Variants in ITGB3 observed in about 807,000 individuals in gnomAD.
ITGB3 encodes the protein integrin subunit beta 3, also known as integrin beta-3.
A neutral mutation model predicts 85.8 loss-of-function variants in ITGB3; 48 were observed. That is an observed-to-expected ratio of 0.56 (90% CI 0.44 to 0.71). The LOEUF (loss-of-function observed/expected upper bound fraction) is 0.71, where lower values mean the gene tolerates loss of function less well. ITGB3 is among the 30% of genes least tolerant of loss of function. The pLI, the probability that ITGB3 is intolerant of heterozygous loss-of-function variation, is 0.00. For missense variants in ITGB3, 861 were observed against 1,019.1 expected, an observed-to-expected ratio of 0.84 and a Z score of 2.11; for synonymous variants, 363 against 395.6, an observed-to-expected ratio of 0.92 and a Z score of 0.98.
At position 47,290,302 on chromosome 17, in the gene ITGB3, C is replaced by T. The variant is rs199897134; in HGVS notation, c.1125+28C>T. 1,022 of 1,575,994 alleles carry T rather than the reference C, an allele frequency of 6.5e-4. 2 individuals carry two copies. The highest frequency in any genetic ancestry group is 6.3e-4 in the Non-Finnish European group (724 of 1,146,066). ...AAGTGTCTTGTGCTGGGAATAGTCC[C>T]GCGGAGAGTCCACCTCATTTGGCTT... On this transcript the variant is annotated intron_variant, in intron 8 of 14. Coordinates refer to ENST00000559488, the MANE Select transcript of ITGB3 (RefSeq NM_000212.3).
intron 2 of ITGB3, among the ~76,000 whole-genome samples, chr17:47,277,786 GGAA>G (rs1474052416): frequency 6.6e-6 from 1 of 152,222 alleles, no homozygotes; most frequent in African/African-American, 2.4e-5. Context: ...GGGTGACAGA[GGAA>G]GAAGGAGTTT....
chr17:47,300,410 G>C, intron 11 of ITGB3, 68 bp from the exon 12 acceptor site: 1 of 1,100,832 alleles, frequency 9.1e-7, no homozygotes, highest in East Asian at 2.4e-5. Flanking sequence ...ATGGAGATCA[G>C]AGCTGGACTG....
At chr17:47,309,354 T>A (rs893805642) in intron 14 of ITGB3, among the ~76,000 whole-genome samples, 2 of 152,002 alleles carry the variant, frequency 1.3e-5, no homozygotes, top group African/African-American at 4.8e-5. Flanking sequence ...TGCCTGGCCA[T>A]GGTTAGTGCT....
chr17:47,302,478 C>T (rs1684056778), intron 12 of ITGB3, among the ~76,000 whole-genome samples: 1 of 152,166 alleles, frequency 6.6e-6, no homozygotes, highest in Non-Finnish European at 1.5e-5. Flanking sequence ...ACTGTTATAT[C>T]ATGTCCCTTT....
chr17:47,272,437 C>G (rs1256917233), intron 1 of ITGB3, among the ~76,000 whole-genome samples: 1 of 151,872 alleles, frequency 6.6e-6, no homozygotes, highest in Non-Finnish European at 1.5e-5. Context: ...GCACTATTGC[C>G]CAGGGTTGGA....
chr17:47,312,352 C>G lies in ITGB3; in HGVS notation c.*2148C>G, dbSNP rs1035639440. On this transcript the variant is annotated 3_prime_UTR_variant, in exon 15 of 15. Transcript: ENST00000559488. ...GGGCAATGACTGAGCCCTGTCTCAC[C>G]CATGGATTACTCCTTACTGTAGGGA... Among the ~76,000 whole-genome samples the G allele has an allele frequency of 6.6e-6, 1 of 152,100 alleles. No homozygotes were observed. Among genetic ancestry groups the G allele is most frequent in the Non-Finnish European group, 1.5e-5 (1 of 68,034 alleles).
intron 1 of ITGB3, among the ~76,000 whole-genome samples, chr17:47,263,676 G>A (rs2065016331): frequency 6.6e-6 from 1 of 152,156 alleles, no homozygotes; most frequent in South Asian, 2.1e-4. Flanking sequence ...TTTTAGTAAA[G>A]ACTGGATTTC....
At chr17:47,307,784 A>G (rs1053662872) in intron 14 of ITGB3, 147 bp downstream of exon 14, 3 of 791,140 alleles carry the variant, frequency 3.8e-6, no homozygotes, top group Non-Finnish European at 6.5e-6. Flanking sequence ...TGGTCTCACT[A>G]TCCCCTTGTC....
At chr17:47,281,974 A>G (rs2065085210) in intron 2 of ITGB3, among the ~76,000 whole-genome samples, 1 of 152,132 alleles carries the variant, frequency 6.6e-6, no homozygotes, top group Non-Finnish European at 1.5e-5. Context: ...TGTGAGATCA[A>G]GTCTTGCTCT....
chr17:47,277,503 G>C (rs1567762664), intron 2 of ITGB3, among the ~76,000 whole-genome samples: 1 of 152,192 alleles, frequency 6.6e-6, no homozygotes, highest in Non-Finnish European at 1.5e-5. Flanking sequence ...TCTGAGCCCA[G>C]GAGTTTGAGG....
chr17:47,268,056 G>A (rs1277813805), intron 1 of ITGB3, among the ~76,000 whole-genome samples: 1 of 152,112 alleles, frequency 6.6e-6, no homozygotes, highest in Non-Finnish European at 1.5e-5. Context: ...AAGCAAAAGG[G>A]AGAAAAGCCC....
Position 47,281,564 on chromosome 17 carries a change from G to T in ITGB3, c.166-1790G>T, listed in dbSNP as rs142161457. On this transcript the variant is annotated intron_variant, in intron 2 of 14. Coordinates refer to ENST00000559488, the MANE Select transcript of ITGB3 (RefSeq NM_000212.3). ...TCAGTGTTCTTTCCAGGGTGGCGTGGTCCCCTTCAATACTCAGGTTTAAGC... is the reference window on the plus strand; with the variant it reads ...TCAGTGTTCTTTCCAGGGTGGCGTGTTCCCCTTCAATACTCAGGTTTAAGC... 3.2e-3 allele frequency among the ~76,000 whole-genome samples: 483 copies of T among 152,204 alleles called. 16 individuals are homozygous for T. The East Asian group carries it at 0.056, about 18-fold the overall frequency.
intron 10 of ITGB3, among the ~76,000 whole-genome samples, chr17:47,296,237 C>T (rs1368952783): frequency 6.6e-6 from 1 of 152,138 alleles, no homozygotes; most frequent in East Asian, 1.9e-4. Context: ...GGGTTATGTC[C>T]GCCATCCTTC....
intron 1 of ITGB3, among the ~76,000 whole-genome samples, chr17:47,270,680 T>G (rs1204999783): frequency 1.3e-5 from 2 of 152,138 alleles, no homozygotes; most frequent in Non-Finnish European, 2.9e-5. Context: ...CATTCTGAAG[T>G]TGTAGTCAAG....
At chr17:47,288,019 C>G (rs1181323052) in intron 6 of ITGB3, among the ~76,000 whole-genome samples, 1 of 128,420 alleles carries the variant, frequency 7.8e-6, no homozygotes, top group Non-Finnish European at 1.7e-5. Flanking sequence ...CCACCTCAGT[C>G]TCCTGAATAG....
At chr17:47,308,990 G>A (rs1239229426) in intron 14 of ITGB3, among the ~76,000 whole-genome samples, 3 of 101,184 alleles carry the variant, frequency 3.0e-5, no homozygotes, top group African/African-American at 8.1e-5. Flanking sequence ...TTCCTTTTAC[G>A]CTTCCTCCCC....
At chr17:47,264,336 G>A (rs1227432202) in intron 1 of ITGB3, among the ~76,000 whole-genome samples, 1 of 152,138 alleles carries the variant, frequency 6.6e-6, no homozygotes, top group Non-Finnish European at 1.5e-5. Context: ...ACACCCTCAT[G>A]CCCCATGAGC....
chr17:47,299,284 C>T lies in ITGB3; in HGVS notation c.1691-24C>T. The T allele has an allele frequency of 6.2e-7, 1 of 1,611,466 alleles. No homozygotes were observed. Among genetic ancestry groups the T allele is most frequent in the Non-Finnish European group, 8.5e-7 (1 of 1,178,992 alleles). On this transcript the variant is annotated intron_variant, in intron 10 of 14. Coordinates refer to ENST00000559488, the MANE Select transcript of ITGB3 (RefSeq NM_000212.3). The surrounding 1 kb of genome is among the most constrained non-coding windows in gnomAD (Gnocchi z 5.1). ...AGTGGAGCTCTCGCCAGCGGGTCCA[C>T]CTTCCTGGGCTGTGTGTTTTCAGGC... is the stretch of plus-strand genomic sequence containing the variant.
At chr17:47,254,903 T>A (rs115759781) in intron 1 of ITGB3, among the ~76,000 whole-genome samples, 1,553 of 152,334 alleles carry the variant, frequency 0.01, 23 homozygotes, top group African/African-American at 0.036. Flanking sequence ...TAAGTATTTT[T>A]AATAAAAACT....
Sources: allele counts gnomAD v4.1 joint callset (sites outside exome capture counted in the v4.1 genomes callset), GRCh38; gene constraint gnomAD v4.1.1; non-coding constraint Gnocchi (gnomAD v3.1); transcripts MANE v1.5; gene names NCBI Gene and HGNC (gene_info 2026-07-23, HGNC 2026-07-21).